The following TPCN1 variants were observed in gnomAD, a reference collection of about 807,000 sequenced individuals.
TPCN1 encodes the protein two pore channel protein 1.
A neutral mutation model predicts 108.8 loss-of-function variants in TPCN1; 52 were observed. That is an observed-to-expected ratio of 0.48 (90% CI 0.38 to 0.60). The LOEUF (loss-of-function observed/expected upper bound fraction) is 0.60. Ranked by LOEUF, TPCN1 falls within the 20% of genes least tolerant of loss-of-function variation. The pLI, the probability that TPCN1 is intolerant of heterozygous loss-of-function variation, is 0.00. For synonymous variants in TPCN1, 446 were observed against 433.7 expected (o/e 1.03, Z -0.35); for missense variants, 806 against 1,072.8 (o/e 0.75, Z 3.47).
At chr12:113,224,327 A>G (rs1421666997) in intron 1 of TPCN1, among the ~76,000 whole-genome samples, 2 of 152,224 alleles carry the variant, frequency 1.3e-5, no homozygotes, top group Non-Finnish European at 2.9e-5. Flanking sequence ...AAGAATTTTC[A>G]GTTAACTTTT....
At chr12:113,279,173 A>T (rs1955776348) in intron 14 of TPCN1, among the ~76,000 whole-genome samples, 1 of 151,670 alleles carries the variant, frequency 6.6e-6, no homozygotes, top group Non-Finnish European at 1.5e-5. Context: ...TTTACCACCC[A>T]GATAACCACT....
At position 113,288,828 on chromosome 12, in the gene TPCN1, G is replaced by C; in HGVS notation, c.1777G>C (p.Val593Leu). 1.2e-6 allele frequency: 2 copies of C among 1,613,504 alleles called. No individual in the cohort carries two copies. Among genetic ancestry groups the C allele is most frequent in the Middle Eastern group, 1.6e-4 (1 of 6,062 alleles). Reference protein sequence around the residue: ...IVGMEFFCGIVFPNCCNTSTV... With the variant: ...IVGMEFFCGILFPNCCNTSTV... ...GGGCATGGAGTTCTTCTGCGGGATC[G>C]TCTTCCCCAACTGCTGCAAGTGAGT... Residue 593 changes from valine to leucine, a missense_variant, in exon 21 of 28, where the codon GTC becomes CTC. Transcript: ENST00000335509. This position sits in a 1 kb window ranked among gnomAD's most constrained non-coding sequence, Gnocchi z 4.8.
chr12:113,286,883 G>T (rs1593201639), intron 18 of TPCN1, 104 bp from the exon 19 acceptor site: 1 of 779,328 alleles, frequency 1.3e-6, no homozygotes, highest in Non-Finnish European at 2.2e-6. Context: ...GTGTTGCTGT[G>T]TCTGGGCTCT....
At chr12:113,291,819 A>T in intron 24 of TPCN1, 55 bp from the exon 25 acceptor site, 1 of 1,561,478 alleles carries the variant, frequency 6.4e-7, no homozygotes, top group Admixed American at 1.7e-5. Flanking sequence ...GCAGCCACGG[A>T]CACCTACCCA....
At position 113,221,528 on chromosome 12, in the gene TPCN1, T is replaced by A; in HGVS notation, c.-224T>A. 1 of 288,216 alleles carries A rather than the reference T, an allele frequency of 3.5e-6. No individual in the cohort carries two copies. The highest frequency in any genetic ancestry group is 2.9e-5 in the South Asian group (1 of 34,496). The allele number at this position is 288,216 out of a possible 1,614,324, so 17.9% of individuals were successfully genotyped here. ...CGGCGGCTTCGGCGGCTGCGGCGGCTGCAACAGCTTCGGGCTCGGGGTTTT... is the reference window on the plus strand; with the variant it reads ...CGGCGGCTTCGGCGGCTGCGGCGGCAGCAACAGCTTCGGGCTCGGGGTTTT... On this transcript the variant is annotated 5_prime_UTR_variant, in exon 1 of 28. Transcript: ENST00000335509.
rs997084002 is a variant in TPCN1, at chr12:113,268,850, C to T, written c.637C>T (p.Arg213Trp). The T allele has an allele frequency of 1.2e-6, 2 of 1,613,836 alleles. No individual in the cohort carries two copies. The highest frequency in any genetic ancestry group is 1.7e-6 in the Non-Finnish European group (2 of 1,179,996). ...ALRCIFLVDCRYCGGVRRNLR... is the reference protein window; with the variant it reads ...ALRCIFLVDCWYCGGVRRNLR... ...GCGCTGCATTTTCCTGGTGGACTGTCGGTATTGCGGTGGCGTCCGGCGGTA... is the reference window on the plus strand; with the variant it reads ...GCGCTGCATTTTCCTGGTGGACTGTTGGTATTGCGGTGGCGTCCGGCGGTA... The change falls in exon 6 of 28, where the codon CGG becomes TGG. Residue 213 changes from arginine to tryptophan, a missense_variant. By Grantham distance (101) the Arg-to-Trp change is moderately radical. Transcript: ENST00000335509. The surrounding 1 kb of genome is among the most constrained non-coding windows in gnomAD (Gnocchi z 7.3).
rs1255408546 is a variant in TPCN1 at position 113,288,567 on chromosome 12, C to T, written c.1707-191C>T. ...CTGGGAAAGGGGCATTTGTTCATAG[C>T]GTCCTGACTTGAGCTGTTTTTCACC... On this transcript the variant is annotated intron_variant, in intron 20 of 27. Coordinates refer to ENST00000335509, the MANE Select transcript of TPCN1 (RefSeq NM_017901.6). This position sits in a 1 kb window ranked among gnomAD's most constrained non-coding sequence, Gnocchi z 4.8. 2.0e-6 allele frequency: 3 copies of T among 1,463,848 alleles called. No homozygotes were observed. The highest frequency in any genetic ancestry group is 2.8e-5 in the African/African-American group (2 of 70,872). 90.7% of individuals were successfully genotyped at this position (1,463,848 alleles called of 1,614,324 possible). A position where few individuals can be genotyped will look rare whatever the true frequency, so the allele number is the denominator to read the frequency against.
chr12:113,275,462 T>G (rs867805803), intron 10 of TPCN1, among the ~76,000 whole-genome samples: 1 of 152,096 alleles, frequency 6.6e-6, no homozygotes, highest in African/African-American at 2.4e-5. Flanking sequence ...CAGGCTGGTC[T>G]CGAACTCCTG....
chr12:113,296,159 C>A lies in TPCN1; in HGVS notation c.*83C>A. ...GATGTACGGAACTGCGGTGTGTGTA[C>A]ACATACTCACGTATATGCACATATT... is the stretch of plus-strand genomic sequence containing the variant. On this transcript the variant is annotated 3_prime_UTR_variant, in exon 28 of 28. Transcript: ENST00000335509. 6.5e-7 allele frequency: 1 copy of A among 1,547,170 alleles called. No homozygotes were observed. The highest frequency in any genetic ancestry group is 8.8e-7 in the Non-Finnish European group (1 of 1,136,948).
chr12:113,238,715 C>T (rs916801693), intron 2 of TPCN1, among the ~76,000 whole-genome samples: 4 of 152,218 alleles, frequency 2.6e-5, no homozygotes, highest in Admixed American at 6.5e-5. Context: ...CTGCTCTTCA[C>T]GGCACAGAGA....
intron 2 of TPCN1, among the ~76,000 whole-genome samples, chr12:113,239,320 G>A (rs1259953019): frequency 6.6e-6 from 1 of 152,146 alleles, no homozygotes; most frequent in Admixed American, 6.5e-5. Context: ...GTGTCTCCCT[G>A]ATGCCTGTTT....
chr12:113,257,005 C>T (rs990039517), intron 2 of TPCN1, among the ~76,000 whole-genome samples: 1 of 151,864 alleles, frequency 6.6e-6, no homozygotes, highest in African/African-American at 2.4e-5. Flanking sequence ...ATCTGATAGA[C>T]TTGTATCCAG....
At position 113,233,418 on chromosome 12, in the gene TPCN1, G is replaced by A. The variant is rs553670614; in HGVS notation, c.112+6454G>A. Reference sequence around the variant, plus strand: ...CTTGGATGGCTCACAGCAGCGTGCCGCTGGGGGCATCAGGTTGCAGTGCCC... The same window carrying A: ...CTTGGATGGCTCACAGCAGCGTGCCACTGGGGGCATCAGGTTGCAGTGCCC... On this transcript the variant is annotated intron_variant, in intron 2 of 27. Transcript: ENST00000335509. Among the ~76,000 whole-genome samples the A allele has an allele frequency of 5.2e-4, 79 of 152,370 alleles. 3 individuals are homozygous for A. The South Asian group carries it at 0.015, about 30-fold the overall frequency.
intron 2 of TPCN1, among the ~76,000 whole-genome samples, chr12:113,238,153 A>G (rs76910072): frequency 0.016 from 2,484 of 152,294 alleles, 86 homozygotes; most frequent in East Asian, 0.15. Flanking sequence ...GGAGAAACCT[A>G]TCCTCATAGC....
intron 10 of TPCN1, among the ~76,000 whole-genome samples, chr12:113,275,542 C>T (rs550800335): frequency 1.1e-4 from 17 of 150,660 alleles, no homozygotes; most frequent in African/African-American, 3.7e-4. Context: ...CAGTGCCTGG[C>T]CAAAATTTAA....
intron 27 of TPCN1, among the ~76,000 whole-genome samples, chr12:113,295,210 C>T (rs537163152): frequency 4.6e-4 from 70 of 152,304 alleles, no homozygotes; most frequent in African/African-American, 1.6e-3. Flanking sequence ...CTCCAGGCCT[C>T]AGTTTCCCCC....
chr12:113,226,692 T>C (rs559323619), intron 1 of TPCN1, 36 bp from the exon 2 acceptor site: 1 of 1,437,488 alleles, frequency 7.0e-7, no homozygotes. Context: ...TGTATTTTAA[T>C]AATTATCTTT....
intron 2 of TPCN1, 179 bp from the exon 3 acceptor site, chr12:113,260,188 AT>A (rs1359771566): frequency 1.7e-6 from 1 of 583,732 alleles, no homozygotes; most frequent in African/African-American, 1.9e-5. Flanking sequence ...AAAGGAAAAC[AT>A]TTGTAACCAG....
In TPCN1 at chr12:113,296,305, C is replaced by T. The variant is rs1163609806; in HGVS notation, c.*229C>T. 2 of 573,558 alleles carry T rather than the reference C, an allele frequency of 3.5e-6. No individual in the cohort carries two copies. Among genetic ancestry groups the T allele is most frequent in the African/African-American group, 3.7e-5 (2 of 53,862 alleles). The allele number at this position is 573,558 out of a possible 1,614,324, so 35.5% of individuals were successfully genotyped here. A position where few individuals can be genotyped will look rare whatever the true frequency, so the allele number is the denominator to read the frequency against. On this transcript the variant is annotated 3_prime_UTR_variant, in exon 28 of 28. Transcript: ENST00000335509. ...TGGGGGTGCGGCCACCAGGTCTGAG[C>T]TCTTCCTACTGTGGAAGGCTCCAGA...
Sources: allele counts gnomAD v4.1 joint callset (sites outside exome capture counted in the v4.1 genomes callset), GRCh38; gene constraint gnomAD v4.1.1; non-coding constraint Gnocchi (gnomAD v3.1); transcripts MANE v1.5; gene names NCBI Gene and HGNC (gene_info 2026-07-23, HGNC 2026-07-21).